Variants in DOP1A observed in about 807,000 individuals in gnomAD.
The protein encoded by DOP1A is DOP1 leucine zipper like protein A.
Under a neutral mutation model 267.6 loss-of-function variants are expected in DOP1A, and 90 were observed. The ratio of observed to expected loss-of-function variants is 0.34; its 90% CI spans 0.28 to 0.40. DOP1A has a LOEUF of 0.40. Ranked by LOEUF, DOP1A falls within the 10% of genes least tolerant of loss-of-function variation. The pLI is 1.00. For missense variants in DOP1A, 2,437 were observed against 2,900.4 expected, an observed-to-expected ratio of 0.84 and a Z score of 3.67; for synonymous variants, 932 against 999.1, an observed-to-expected ratio of 0.93 and a Z score of 1.27.
intron 1 of DOP1A, among the ~76,000 whole-genome samples, chr6:83,074,834 G>A (rs1766778485): frequency 6.6e-6 from 1 of 152,174 alleles, no homozygotes; most frequent in South Asian, 2.1e-4. Flanking sequence ...ACTTTGGAAG[G>A]CCAAGGCCAG....
rs1777818705 is a variant in DOP1A, at chr6:83,130,342, C to T, written c.2561C>T (p.Pro854Leu). The T allele has an allele frequency of 6.2e-7, 1 of 1,614,040 alleles. No individual in the cohort carries two copies. The highest frequency in any genetic ancestry group is 8.5e-7 in the Non-Finnish European group (1 of 1,179,952). ...GGAAGAGTAGCTGTGGTTATTAGAC[C>T]TCCCCTCACTCAGGGCAATCTGAGG... is the stretch of plus-strand genomic sequence containing the variant. ...NQGRVAVVIR[P>L]PLTQGNLRYI... The change falls in exon 17 of 39, where the codon CCT (proline) becomes CTT (leucine). Residue 854 changes from proline to leucine, a missense_variant. By Grantham distance (98) the Pro-to-Leu change is moderately conservative (BLOSUM62 -3). Transcript: ENST00000349129.
At chr6:83,107,375 T>C (rs1773814141) in intron 4 of DOP1A, among the ~76,000 whole-genome samples, 3 of 152,094 alleles carry the variant, frequency 2.0e-5, no homozygotes, top group Non-Finnish European at 4.4e-5. Context: ...GATCAAACAG[T>C]ACCTAAAATG....
Position 83,138,280 on chromosome 6 carries a change from C to G in DOP1A, c.4238C>G (p.Thr1413Ser). Residue 1413 changes from threonine (T) to serine (S), a missense_variant, in exon 21 of 39, where the codon ACT (threonine) becomes AGT (serine). Coordinates refer to ENST00000349129, the MANE Select transcript of DOP1A (RefSeq NM_015018.4). ...ISTTSVNNAY[T>S]PQLSLLQNLL... ...ACTACTAGTGTAAATAATGCATATA[C>G]TCCTCAGTTGTCTCTCCTTCAGAAT... 1 of 1,612,976 alleles carries G rather than the reference C, an allele frequency of 6.2e-7. No homozygotes were observed. The highest frequency in any genetic ancestry group is 8.5e-7 in the Non-Finnish European group (1 of 1,179,920).
At position 83,168,147 on chromosome 6, in the gene DOP1A, GA is replaced by G; in HGVS notation, c.7380del (p.Met2462Ter). 6.2e-7 allele frequency: 1 copy of G among 1,612,392 alleles called. No homozygotes were observed. The highest frequency in any genetic ancestry group is 1.7e-4 in the Middle Eastern group (1 of 6,044). On this transcript the variant is annotated frameshift_variant, in exon 39 of 39. Coordinates refer to ENST00000349129, the MANE Select transcript of DOP1A (RefSeq NM_015018.4). LOFTEE classifies it high-confidence loss of function. Reference sequence around the variant, plus strand: ...AGAGATGGTAGAAAAAGATTTTCTGGAAGGGATGATAAAAACTTGAGCACCA... The same window carrying G: ...AGAGATGGTAGAAAAAGATTTTCTGGAGGGATGATAAAAACTTGAGCACCA... ...IEEMVEKDFL[E>X]GMIKT
At chr6:83,123,036 G>T in intron 12 of DOP1A, 54 bp downstream of exon 12, 1 of 1,530,650 alleles carries the variant, frequency 6.5e-7, no homozygotes, top group African/African-American at 1.4e-5. Flanking sequence ...CTAACCTTTG[G>T]GTTTTTTTTA....
chr6:83,139,102 G>A lies in DOP1A; in HGVS notation c.5060G>A (p.Cys1687Tyr). The change falls in exon 21 of 39, where the codon TGC becomes TAC. Residue 1687 changes from cysteine to tyrosine, a missense_variant. By Grantham distance (194) the Cys-to-Tyr change is radical (BLOSUM62 -2). Transcript: ENST00000349129. ...RVVVSVTLQL[C>Y]RNLDNLIQQY... ...GTTGTTTCTGTGACACTACAACTGT[G>A]CAGAAATTTAGATAATCTAATTCAG... The A allele has an allele frequency of 6.2e-7, 1 of 1,613,946 alleles. No homozygotes were observed. Among genetic ancestry groups the A allele is most frequent in the Non-Finnish European group, 8.5e-7 (1 of 1,179,886 alleles).
chr6:83,167,626 T>C, intron 38 of DOP1A: 2 of 1,225,494 alleles, frequency 1.6e-6, no homozygotes, highest in Non-Finnish European at 2.0e-6. Flanking sequence ...ACTAAGCTTA[T>C]CTGCGCATTC....
At chr6:83,076,110 T>C (rs1261757439) in intron 1 of DOP1A, among the ~76,000 whole-genome samples, 1 of 152,126 alleles carries the variant, frequency 6.6e-6, no homozygotes, top group Non-Finnish European at 1.5e-5. Context: ...ACCCAGAATA[T>C]ATAAAGAAAG....
chr6:83,094,876 T>C (rs1284266519), intron 1 of DOP1A, among the ~76,000 whole-genome samples: 2 of 152,194 alleles, frequency 1.3e-5, no homozygotes, highest in Non-Finnish European at 2.9e-5. Context: ...TTACTTCTGA[T>C]GAAGTCCAAT....
chr6:83,130,491 A>T, intron 17 of DOP1A, 94 bp downstream of exon 17: 1 of 1,443,306 alleles, frequency 6.9e-7, no homozygotes, highest in Non-Finnish European at 9.3e-7. Context: ...TTAAATGTTA[A>T]TAAAGCTTCA....
intron 37 of DOP1A, among the ~76,000 whole-genome samples, chr6:83,160,844 CTTT>C (rs1174262663): frequency 6.6e-6 from 1 of 151,946 alleles, no homozygotes; most frequent in Non-Finnish European, 1.5e-5. Flanking sequence ...AGCTTTTTCT[CTTT>C]TTTATTTGGA....
At chr6:83,162,745 A>C (rs772503821) in intron 37 of DOP1A, 45 bp from the exon 38 acceptor site, 3 of 1,560,858 alleles carry the variant, frequency 1.9e-6, no homozygotes, top group Admixed American at 3.8e-5. Context: ...CTTAGATGGC[A>C]CAAAGTCTGT....
In DOP1A at chr6:83,129,088, G is replaced by C; in HGVS notation, c.1921G>C (p.Ala641Pro). 6.2e-7 allele frequency: 1 copy of C among 1,614,070 alleles called. No individual in the cohort carries two copies. The highest frequency in any genetic ancestry group is 8.5e-7 in the Non-Finnish European group (1 of 1,179,986). The change falls in exon 16 of 39, where the codon GCA becomes CCA. Residue 641 changes from alanine (A) to proline (P), a missense_variant. By Grantham distance (27) the Ala-to-Pro change is conservative. Coordinates refer to ENST00000349129, the MANE Select transcript of DOP1A (RefSeq NM_015018.4). ...IGSTSSETET[A>P]STVGSEETII... ...TAGCACATCCTCTGAGACAGAAACAGCATCCACTGTGGGATCTGAAGAAAC... is the reference window on the plus strand; with the variant it reads ...TAGCACATCCTCTGAGACAGAAACACCATCCACTGTGGGATCTGAAGAAAC...
chr6:83,076,101 C>T (rs1055563620), intron 1 of DOP1A, among the ~76,000 whole-genome samples: 3 of 152,004 alleles, frequency 2.0e-5, no homozygotes, highest in Admixed American at 6.6e-5. Context: ...GAGGCTAATA[C>T]CCAGAATATA....
chr6:83,147,293 TA>T lies in DOP1A; in HGVS notation c.5732+4del. On this transcript the variant is annotated splice_donor_region_variant and intron_variant, in intron 26 of 38. Coordinates refer to ENST00000349129, the MANE Select transcript of DOP1A (RefSeq NM_015018.4). ...GTTTTTCTATGCTTATATTCAAAGG[TA>T]AGATTACTGATATTGATCTGTCCTT... The T allele has an allele frequency of 6.8e-7, 1 of 1,466,728 alleles. No individual in the cohort carries two copies. The highest frequency in any genetic ancestry group is 9.4e-7 in the Non-Finnish European group (1 of 1,064,600). 90.9% of individuals were successfully genotyped at this position (1,466,728 alleles called of 1,614,324 possible).
intron 6 of DOP1A, among the ~76,000 whole-genome samples, chr6:83,111,838 A>T (rs550442126): frequency 6.6e-6 from 1 of 152,278 alleles, no homozygotes; most frequent in African/African-American, 2.4e-5. Flanking sequence ...AACATTCTTG[A>T]TAGGGTCCCC....
intron 6 of DOP1A, 88 bp downstream of exon 6, chr6:83,110,402 A>C: frequency 7.9e-7 from 1 of 1,269,334 alleles, no homozygotes. Context: ...TTGTATAATG[A>C]ACAAAGTTCC....
chr6:83,130,510 C>T, intron 17 of DOP1A, 113 bp downstream of exon 17: 1 of 1,283,474 alleles, frequency 7.8e-7, no homozygotes, highest in Non-Finnish European at 1.1e-6. Context: ...CATTTAAACA[C>T]CTCTTAATAG....
intron 20 of DOP1A, among the ~76,000 whole-genome samples, chr6:83,136,108 A>G (rs947006917): frequency 6.6e-6 from 1 of 152,136 alleles, no homozygotes; most frequent in Non-Finnish European, 1.5e-5. Context: ...GGCAGGAATC[A>G]GGCACAGCTC....
Sources: gnomAD v4.1 joint callset for allele counts (sites outside exome capture counted in the v4.1 genomes callset) on GRCh38, gnomAD v4.1.1 for gene constraint, MANE v1.5 for transcripts, NCBI Gene and HGNC (gene_info 2026-07-23, HGNC 2026-07-21) for gene names.